The following NR3C2 variants were observed in gnomAD, a reference collection of about 807,000 sequenced individuals.
NR3C2 encodes the protein nuclear receptor subfamily 3 group C member 2, also known as mineralocorticoid receptor.
NR3C2 carries 15 observed loss-of-function variants against 86.4 expected under a neutral mutation model. The observed-to-expected ratio is 0.17, with a 90% confidence interval of 0.12 to 0.27. The LOEUF (loss-of-function observed/expected upper bound fraction) is 0.27. Among genes scored for constraint, NR3C2 ranks in the 10% least tolerant of loss-of-function variants. The pLI, the probability that NR3C2 is intolerant of heterozygous loss-of-function variation, is 1.00. For synonymous variants in NR3C2, 458 were observed against 450.5 expected, an observed-to-expected ratio of 1.02 and a Z score of -0.21; for missense variants, 960 against 1,195.6, an observed-to-expected ratio of 0.80 and a Z score of 2.91.
At chr4:148,090,175 G>T (rs1364393863) in intron 8 of NR3C2, among the ~76,000 whole-genome samples, 1 of 152,230 alleles carries the variant, frequency 6.6e-6, no homozygotes, top group Non-Finnish European at 1.5e-5. Context: ...CACTGGGGAA[G>T]CTGCAGTGAA....
intron 6 of NR3C2, among the ~76,000 whole-genome samples, chr4:148,142,511 A>G (rs1379909225): frequency 6.6e-6 from 1 of 151,962 alleles, no homozygotes. Context: ...CCCACCCCCG[A>G]AAGGGCCTCG....
chr4:148,143,763 T>C (rs1034445706), intron 6 of NR3C2, among the ~76,000 whole-genome samples: 7 of 151,858 alleles, frequency 4.6e-5, no homozygotes, highest in Non-Finnish European at 8.8e-5. Flanking sequence ...CTGACCAACA[T>C]GGGGAAACCC....
At chr4:148,253,181 T>C (rs987656497) in intron 3 of NR3C2, among the ~76,000 whole-genome samples, 1 of 152,188 alleles carries the variant, frequency 6.6e-6, no homozygotes, top group Non-Finnish European at 1.5e-5. Context: ...CAACAACACA[T>C]CAACCAGTGT....
At chr4:148,401,359 A>G (rs1748150497) in intron 2 of NR3C2, among the ~76,000 whole-genome samples, 1 of 151,790 alleles carries the variant, frequency 6.6e-6, no homozygotes, top group Non-Finnish European at 1.5e-5. Context: ...CTAAAACACT[A>G]TATTTCCCAG....
chr4:148,239,057 A>G (rs1426433241), intron 3 of NR3C2, among the ~76,000 whole-genome samples: 1 of 152,242 alleles, frequency 6.6e-6, no homozygotes, highest in Non-Finnish European at 1.5e-5. Context: ...CAGCTGAAGA[A>G]TAGACGTAGA....
chr4:148,258,624 G>C (rs1303582857), intron 3 of NR3C2, among the ~76,000 whole-genome samples: 1 of 152,190 alleles, frequency 6.6e-6, no homozygotes, highest in East Asian at 1.9e-4. Flanking sequence ...GCTTTTATAG[G>C]AATTGCTAGG....
chr4:148,134,951 C>T (rs1733230650), intron 6 of NR3C2, among the ~76,000 whole-genome samples: 1 of 152,014 alleles, frequency 6.6e-6, no homozygotes, highest in African/African-American at 2.4e-5. Flanking sequence ...AGCCACCATG[C>T]TCAACCCTCC....
At chr4:148,400,481 A>G (rs562518975) in intron 2 of NR3C2, among the ~76,000 whole-genome samples, 203 of 152,132 alleles carry the variant, frequency 1.3e-3, no homozygotes, top group African/African-American at 4.6e-3. Context: ...GAGAGTTTAC[A>G]TTATTTTTAA....
chr4:148,444,124 C>T, upstream of NR3C2: 1 of 985,410 alleles, frequency 1.0e-6, no homozygotes, highest in Non-Finnish European at 1.2e-6. Flanking sequence ...GCGCGGGCGG[C>T]GGGCGGGAGC....
chr4:148,149,776 T>C (rs762256566), intron 6 of NR3C2, among the ~76,000 whole-genome samples: 11 of 152,290 alleles, frequency 7.2e-5, no homozygotes, highest in Middle Eastern at 3.4e-3. Flanking sequence ...AGAGGAGATA[T>C]ACAAATGGCT....
intron 6 of NR3C2, among the ~76,000 whole-genome samples, chr4:148,145,402 C>A (rs529419651): frequency 1.6e-4 from 25 of 152,290 alleles, no homozygotes; most frequent in African/African-American, 5.8e-4. Flanking sequence ...CGTGTAAGAC[C>A]CCAAGTCAAA....
chr4:148,157,002 A>G lies in NR3C2; in HGVS notation c.2015-2101T>C, dbSNP rs563751059. On this transcript the variant is annotated intron_variant, in intron 4 of 8. Coordinates refer to ENST00000358102, the MANE Select transcript of NR3C2 (RefSeq NM_000901.5). ...AAAAAAGGATGAGTTCATGTCCTTTACAGGGACATGGATGAAATTGGAAAT... is the reference window on the plus strand; with the variant it reads ...AAAAAAGGATGAGTTCATGTCCTTTGCAGGGACATGGATGAAATTGGAAAT... 1.4e-4 allele frequency among the ~76,000 whole-genome samples: 21 copies of G among 152,014 alleles called. No homozygotes were observed. The South Asian group carries it at 4.4e-3, about 32-fold the overall frequency.
intron 3 of NR3C2, among the ~76,000 whole-genome samples, chr4:148,234,679 A>AC (rs1738650071): frequency 1.3e-5 from 2 of 148,604 alleles, no homozygotes; most frequent in Admixed American, 6.7e-5. Flanking sequence ...TGAGACTCCA[A>AC]CTAAAAAAAA....
intron 6 of NR3C2, among the ~76,000 whole-genome samples, chr4:148,135,681 T>C (rs1297165386): frequency 8.5e-6 from 1 of 117,166 alleles, no homozygotes; most frequent in East Asian, 2.4e-4. Context: ...CCAAGACTGA[T>C]GGAGCTGCAA....
At position 148,440,815 on chromosome 4, in the gene NR3C2, C is replaced by T. The variant is rs1051434945; in HGVS notation, c.-3+1345G>A. On this transcript the variant is annotated intron_variant, in intron 1 of 8. Coordinates refer to ENST00000358102, the MANE Select transcript of NR3C2 (RefSeq NM_000901.5). ...TTTTTTCGGGAATATTAACAAAGAT[C>T]CTTGCGAATTTGTATTTTATCTGGA... is the stretch of plus-strand genomic sequence containing the variant. 4.6e-5 allele frequency among the ~76,000 whole-genome samples: 7 copies of T among 152,278 alleles called. No individual in the cohort carries two copies. In the South Asian group the frequency reaches 1.4e-3, roughly 32 times the overall value.
chr4:148,280,691 G>C (rs1017956476), intron 2 of NR3C2, among the ~76,000 whole-genome samples: 1 of 152,104 alleles, frequency 6.6e-6, no homozygotes, highest in African/African-American at 2.4e-5. Context: ...GTTTTGTAGA[G>C]ATAGGGTCTC....
chr4:148,367,504 C>T (rs76653240), intron 2 of NR3C2, among the ~76,000 whole-genome samples: 1,662 of 152,164 alleles, frequency 0.011, 25 homozygotes, highest in African/African-American at 0.038. Flanking sequence ...AATGTTATCA[C>T]ACCTAAAGAA....
chr4:148,121,388 T>C (rs1732499434), intron 6 of NR3C2, among the ~76,000 whole-genome samples: 1 of 152,122 alleles, frequency 6.6e-6, no homozygotes, highest in African/African-American at 2.4e-5. Flanking sequence ...ATGTCTTTCC[T>C]CTCCCCCAGT....
intron 2 of NR3C2, among the ~76,000 whole-genome samples, chr4:148,332,122 G>A (rs1744260819): frequency 6.6e-6 from 1 of 152,118 alleles, no homozygotes; most frequent in East Asian, 1.9e-4. Flanking sequence ...AAGAAGTATT[G>A]TGATAATCAA....
Sources: gnomAD v4.1 joint callset for allele counts (sites outside exome capture counted in the v4.1 genomes callset) on GRCh38, gnomAD v4.1.1 for gene constraint, MANE v1.5 for transcripts, NCBI Gene and HGNC (gene_info 2026-07-23, HGNC 2026-07-21) for gene names.